The following NKPD1 variants were observed in gnomAD, a reference collection of about 807,000 sequenced individuals.
The protein encoded by NKPD1 is NTPase KAP family P-loop domain-containing protein 1.
Under a neutral mutation model 42.2 loss-of-function variants are expected in NKPD1, and 37 were observed. The ratio of observed to expected loss-of-function variants is 0.88; its 90% CI spans 0.67 to 1.15. The LOEUF (loss-of-function observed/expected upper bound fraction) is 1.15. Ranked by LOEUF, NKPD1 falls within the 50% of genes most tolerant of loss-of-function variation. NKPD1 has a pLI of 0.00. For synonymous variants in NKPD1, 552 were observed against 536.5 expected (o/e 1.03, Z -0.40); for missense variants, 1,113 against 1,174.6 (o/e 0.95, Z 0.77).
chr19:45,159,147 C>T (rs1341620266), intron 2 of NKPD1, 47 bp from the exon 3 acceptor site: 11 of 1,243,838 alleles, frequency 8.8e-6, no homozygotes, highest in East Asian at 6.1e-5. Flanking sequence ...CCCCGACCCC[C>T]GGGGGCACCG....
rs1263440461 is a variant in NKPD1, at chr19:45,160,113, G to C, written c.38C>G (p.Ala13Gly). 9.2e-6 allele frequency: 12 copies of C among 1,304,994 alleles called. No individual in the cohort carries two copies. Among genetic ancestry groups the C allele is most frequent in the Non-Finnish European group, 1.1e-5 (11 of 988,738 alleles). The allele number at this position is 1,304,994 out of a possible 1,614,324, so 80.8% of individuals were successfully genotyped here. A position where few individuals can be genotyped will look rare whatever the true frequency, so the allele number is the denominator to read the frequency against. Reference sequence around the variant, plus strand: ...GAAGTAGTGCCCGTTGGGGCTCTGGGCATCCTTGGCGAAGTGGACTTTGTA... The same window carrying C: ...GAAGTAGTGCCCGTTGGGGCTCTGGCCATCCTTGGCGAAGTGGACTTTGTA... ...KHYKVHFAKD[A>G]QSPNGHYFWD... The change falls in exon 2 of 5, where the codon GCC becomes GGC. Residue 13 changes from alanine to glycine, a missense_variant. Around this residue, in one of 3 missense-constraint regions of NKPD1, gnomAD observed 204 missense variants for 227.8 expected, o/e 0.90. Transcript: ENST00000686631.
upstream of NKPD1, among the ~76,000 whole-genome samples, chr19:45,161,241 C>G (rs1968999457): frequency 6.6e-6 from 1 of 152,190 alleles, no homozygotes; most frequent in Non-Finnish European, 1.5e-5. Context: ...GGACAGGGAG[C>G]TGGGATGCCA....
Position 45,153,719 on chromosome 19 carries a change from A to C in NKPD1, c.718T>G (p.Trp240Gly). The change falls in exon 5 of 5, where the codon TGG becomes GGG. Residue 240 changes from tryptophan (W) to glycine (G), a missense_variant. By Grantham distance (184) the Trp-to-Gly change is radical (BLOSUM62 -2). Transcript: ENST00000686631. ...CAGCCGCTCACGGCACGCGGCCGCCACTGCACGTGCTGCAGCTCCTCGCTC... is the reference window on the plus strand; with the variant it reads ...CAGCCGCTCACGGCACGCGGCCGCCCCTGCACGTGCTGCAGCTCCTCGCTC... ...RESEELQHVQ[W>G]RPRAVSGWGV... 1 of 1,529,708 alleles carries C rather than the reference A, an allele frequency of 6.5e-7. No individual in the cohort carries two copies. The allele number at this position is 1,529,708 out of a possible 1,614,324, so 94.8% of individuals were successfully genotyped here. A position where few individuals can be genotyped will look rare whatever the true frequency, so the allele number is the denominator to read the frequency against.
In NKPD1 at chr19:45,152,015, A is replaced by C; in HGVS notation, c.2422T>G (p.Leu808Val). 1 of 1,610,338 alleles carries C rather than the reference A, an allele frequency of 6.2e-7. No homozygotes were observed. The highest frequency in any genetic ancestry group is 8.5e-7 in the Non-Finnish European group (1 of 1,178,628). ...GGCCATAGCTTGCCCCTGTGGGCCAAGTCCCCAGTGTGGTGGCCTTCGCCG... is the reference window on the plus strand; with the variant it reads ...GGCCATAGCTTGCCCCTGTGGGCCACGTCCCCAGTGTGGTGGCCTTCGCCG... ...QAGEGHHTGD[L>V]AHRGKLWPVA... The change falls in exon 5 of 5, where the codon TTG becomes GTG. Residue 808 changes from leucine to valine, a missense_variant. Transcript: ENST00000686631.
rs552521497 is a variant in NKPD1, at chr19:45,160,123, C to T, written c.28G>A (p.Ala10Thr). Residue 10 changes from alanine (A) to threonine (T), a missense_variant, in exon 2 of 5, where the codon GCC becomes ACC. By Grantham distance (58) the Ala-to-Thr change is moderately conservative. Coordinates refer to ENST00000686631, the MANE Select transcript of NKPD1 (RefSeq NM_198478.4). Reference sequence around the variant, plus strand: ...CCGTTGGGGCTCTGGGCATCCTTGGCGAAGTGGACTTTGTAATGTTTGTGC... The same window carrying T: ...CCGTTGGGGCTCTGGGCATCCTTGGTGAAGTGGACTTTGTAATGTTTGTGC... The part of the protein sequence containing the change: MHKHYKVHF[A>T]KDAQSPNGHY... 8.1e-5 allele frequency: 106 copies of T among 1,304,954 alleles called. No homozygotes were observed. In the East Asian group the frequency reaches 3.6e-3, roughly 44 times the overall value. The allele number at this position is 1,304,954 out of a possible 1,614,324, so 80.8% of individuals were successfully genotyped here.
rs935436553 is a variant in NKPD1, at chr19:45,153,841, G to T, written c.662-66C>A. On this transcript the variant is annotated intron_variant, in intron 4 of 4. Transcript: ENST00000686631. ...CGCCGGGGTGGGCGGGGCCTAGTACGGGCAGGGCGGAGCGCTCCTGGAGAG... is the reference window on the plus strand; with the variant it reads ...CGCCGGGGTGGGCGGGGCCTAGTACTGGCAGGGCGGAGCGCTCCTGGAGAG... 3.6e-6 allele frequency: 5 copies of T among 1,386,924 alleles called. No individual in the cohort carries two copies. The African/African-American group carries it at 6.1e-5, about 17-fold the overall frequency. The allele number at this position is 1,386,924 out of a possible 1,614,324, so 85.9% of individuals were successfully genotyped here. A position where few individuals can be genotyped will look rare whatever the true frequency, so the allele number is the denominator to read the frequency against.
Position 45,151,664 on chromosome 19 carries a change from T to G in NKPD1, c.*274A>C, listed in dbSNP as rs1968779734. On this transcript the variant is annotated 3_prime_UTR_variant, in exon 5 of 5. Coordinates refer to ENST00000686631, the MANE Select transcript of NKPD1 (RefSeq NM_198478.4). ...GGCCTGGTCCCTGGTCAGATCAGGA[T>G]GCGGAGAGCAACTCCGGGCTCTCAA... 1 of 410,950 alleles carries G rather than the reference T, an allele frequency of 2.4e-6. No homozygotes were observed. Among genetic ancestry groups the G allele is most frequent in the South Asian group, 5.5e-5 (1 of 18,104 alleles). 25.5% of individuals were successfully genotyped at this position (410,950 alleles called of 1,614,324 possible). A position where few individuals can be genotyped will look rare whatever the true frequency, so the allele number is the denominator to read the frequency against.
intron 2 of NKPD1, among the ~76,000 whole-genome samples, 154 bp downstream of exon 2, chr19:45,159,906 G>A (rs1237738861): frequency 6.6e-6 from 1 of 152,232 alleles, no homozygotes; most frequent in Non-Finnish European, 1.5e-5. Flanking sequence ...CCGGGTCCTG[G>A]GTCCCAGGCC....
chr19:45,152,369 G>A lies in NKPD1; in HGVS notation c.2068C>T (p.Leu690Phe), dbSNP rs773272948. 277 of 1,593,776 alleles carry A rather than the reference G, an allele frequency of 1.7e-4. No homozygotes were observed. The highest frequency in any genetic ancestry group is 2.3e-4 in the Non-Finnish European group (274 of 1,170,820). ...TGGAPEGRAR[L>F]WDVFRDNSRE... ...CTGTTGTCGCGGAAAACGTCCCAGA[G>A]GCGCGCGCGGCCCTCGGGCGCGCCC... Residue 690 changes from leucine (L) to phenylalanine (F), a missense_variant, in exon 5 of 5, where the codon CTC becomes TTC. Leu to Phe is a conservative substitution (Grantham distance 22). This residue lies in a region of NKPD1 where 867 missense variants were observed against 870.1 expected (regional missense o/e 1.00). Coordinates refer to ENST00000686631, the MANE Select transcript of NKPD1 (RefSeq NM_198478.4).
Position 45,152,698 on chromosome 19 carries a change from G to T in NKPD1, c.1739C>A (p.Ala580Glu), listed in dbSNP as rs1322336489. 5 of 1,552,280 alleles carry T rather than the reference G, an allele frequency of 3.2e-6. No homozygotes were observed. The South Asian group carries it at 3.5e-5, about 11-fold the overall frequency. The change falls in exon 5 of 5, where the codon GCG (alanine) becomes GAG (glutamate). Residue 580 changes from alanine (A) to glutamate (E), a missense_variant. Coordinates refer to ENST00000686631, the MANE Select transcript of NKPD1 (RefSeq NM_198478.4). ...SAQLLAVQAQ[A>E]GTERGQGRID... ...GCGGCCCTGCCCGCGCTCCGTCCCC[G>T]CCTGCGCCTGCACCGCCAGCAGCTG...
At chr19:45,160,247 A>G (rs1208880799) in intron 1 of NKPD1, 26 bp from the exon 2 acceptor site, 2 of 675,608 alleles carry the variant, frequency 3.0e-6, no homozygotes, top group Non-Finnish European at 4.5e-6. Context: ...CAGAGAGCTG[A>G]GGTCAGGGTC....
intron 4 of NKPD1, among the ~76,000 whole-genome samples, chr19:45,154,922 G>A (rs1342507340): frequency 6.6e-6 from 1 of 151,870 alleles, no homozygotes; most frequent in Admixed American, 6.6e-5. Context: ...CTACTTGGGA[G>A]GCTGAGGCAG....
chr19:45,156,390 C>T (rs774010115), intron 3 of NKPD1, among the ~76,000 whole-genome samples: 16 of 152,188 alleles, frequency 1.1e-4, no homozygotes, highest in African/African-American at 3.9e-4. Flanking sequence ...CTCCTCCCAC[C>T]GTCCTGTCCA....
Position 45,151,382 on chromosome 19 carries a change from A to T in NKPD1, c.*556T>A. ...GCAGCTTGCTGAGGTCACCGAGGTC[A>T]TCCTCAGAAATGCCAGCCCCTGCCC... On this transcript the variant is annotated 3_prime_UTR_variant, in exon 5 of 5. Transcript: ENST00000686631. The T allele has an allele frequency of 6.6e-6, 1 of 152,462 alleles. No individual in the cohort carries two copies. The highest frequency in any genetic ancestry group is 1.5e-5 in the Non-Finnish European group (1 of 68,228). 9.4% of individuals were successfully genotyped at this position (152,462 alleles called of 1,614,324 possible).
rs1968797819 is a variant in NKPD1, at chr19:45,152,282, C to T, written c.2155G>A (p.Glu719Lys). ...GCGCCCAGGAAGCGCTCGAAGAGCTCGGGGTCGCCGTCCAGGTCGAGCACG... is the reference window on the plus strand; with the variant it reads ...GCGCCCAGGAAGCGCTCGAAGAGCTTGGGGTCGCCGTCCAGGTCGAGCACG... Reference protein sequence around the residue: ...QNVLDLDGDPELFERFLGADF... With the variant: ...QNVLDLDGDPKLFERFLGADF... The change falls in exon 5 of 5, where the codon GAG becomes AAG. Residue 719 changes from glutamate to lysine, a missense_variant. Transcript: ENST00000686631. 6.2e-7 allele frequency: 1 copy of T among 1,610,066 alleles called. No homozygotes were observed. The highest frequency in any genetic ancestry group is 1.7e-5 in the Admixed American group (1 of 59,814).
chr19:45,159,000 G>T lies in NKPD1; in HGVS notation c.192C>A (p.His64Gln). The change falls in exon 3 of 5, where the codon CAC (histidine) becomes CAA (glutamine). Residue 64 changes from histidine to glutamine, a missense_variant. Around this residue, in one of 3 missense-constraint regions of NKPD1, gnomAD observed 204 missense variants for 227.8 expected, o/e 0.90. Transcript: ENST00000686631. This position sits in a 1 kb window ranked among gnomAD's most constrained non-coding sequence, Gnocchi z 4.6. ...QSHWQLAYHS[H>Q]QVGGSGWRRG... is the part of the protein sequence containing the mutation. ...GGCGCCAGCCACTGCCACCCACTTG[G>T]TGGCTGTGGTAGGCCAGCTGCCAGT... 1 of 1,301,664 alleles carries T rather than the reference G, an allele frequency of 7.7e-7. No homozygotes were observed. The highest frequency in any genetic ancestry group is 1.0e-6 in the Non-Finnish European group (1 of 988,270). 80.6% of individuals were successfully genotyped at this position (1,301,664 alleles called of 1,614,324 possible). A position where few individuals can be genotyped will look rare whatever the true frequency, so the allele number is the denominator to read the frequency against.
chr19:45,152,997 C>T lies in NKPD1; in HGVS notation c.1440G>A (p.Leu480=). 6.3e-7 allele frequency: 1 copy of T among 1,586,088 alleles called. No homozygotes were observed. Among genetic ancestry groups the T allele is most frequent in the Non-Finnish European group, 8.6e-7 (1 of 1,165,430 alleles). ...VGVLNAINTL[L]SDSHAPFIFI... is the part of the protein sequence containing the mutation. ...AGATGAAGGGCGCGTGGCTGTCGGA[C>T]AGCAGCGTGTTGATGGCGTTGAGCA... is the stretch of plus-strand genomic sequence containing the variant. Residue 480 remains leucine (L), a synonymous_variant, in exon 5 of 5, where the codon CTG becomes CTA. Transcript: ENST00000686631.
chr19:45,162,296 G>A (rs1969022696), upstream of NKPD1, among the ~76,000 whole-genome samples: 1 of 152,202 alleles, frequency 6.6e-6, no homozygotes, highest in Admixed American at 6.5e-5. Flanking sequence ...ACTCAGCCAG[G>A]TGGAATAGGA....
Position 45,151,925 on chromosome 19 carries a change from C to G in NKPD1, c.*13G>C. ...AGGAACCCTTGCCTCCTGCTGCCCG[C>G]CAAGTCCTCCATTTAAGGCCCACCT... On this transcript the variant is annotated 3_prime_UTR_variant, in exon 5 of 5. Coordinates refer to ENST00000686631, the MANE Select transcript of NKPD1 (RefSeq NM_198478.4). The G allele has an allele frequency of 6.5e-7, 1 of 1,533,120 alleles. No individual in the cohort carries two copies. The highest frequency in any genetic ancestry group is 8.8e-7 in the Non-Finnish European group (1 of 1,137,888). The allele number at this position is 1,533,120 out of a possible 1,614,324, so 95.0% of individuals were successfully genotyped here.
Sources: gnomAD v4.1 joint callset for allele counts (sites outside exome capture counted in the v4.1 genomes callset) on GRCh38, gnomAD v4.1.1 for gene constraint, gnomAD v4.1.1 regional missense constraint, Gnocchi (gnomAD v3.1) non-coding constraint, MANE v1.5 for transcripts, NCBI Gene and HGNC (gene_info 2026-07-23, HGNC 2026-07-21) for gene names.